The following DNAH6 variants were observed in gnomAD, a reference collection of about 807,000 sequenced individuals.
DNAH6 encodes axonemal beta dynein heavy chain 6.
A neutral mutation model predicts 491.4 loss-of-function variants in DNAH6; 340 were observed. The ratio of observed to expected loss-of-function variants is 0.69; its 90% CI spans 0.63 to 0.76. The LOEUF (loss-of-function observed/expected upper bound fraction) is 0.76. Among genes scored for constraint, DNAH6 ranks in the 30% least tolerant of loss-of-function variants. The pLI is 0.00. For missense variants in DNAH6, 4,443 were observed against 4,972.2 expected, an observed-to-expected ratio of 0.89 and a Z score of 3.20; for synonymous variants, 1,603 against 1,686.1, an observed-to-expected ratio of 0.95 and a Z score of 1.21.
intron 45 of DNAH6, among the ~76,000 whole-genome samples, chr2:84,692,318 G>A (rs1210685856): frequency 1.3e-5 from 2 of 152,196 alleles, no homozygotes; most frequent in Non-Finnish European, 1.5e-5. Context: ...ATGAGTTACA[G>A]TGACCATGTG....
chr2:84,511,850 T>C (rs1675344462), upstream of DNAH6, among the ~76,000 whole-genome samples: 2 of 152,258 alleles, frequency 1.3e-5, no homozygotes, highest in African/African-American at 4.8e-5. Context: ...GAAATACTTT[T>C]ACATTCCTGT....
chr2:84,813,229 A>G, intron 74 of DNAH6, 99 bp downstream of exon 74: 1 of 860,034 alleles, frequency 1.2e-6, no homozygotes, highest in Non-Finnish European at 1.9e-6. Flanking sequence ...CTAATGCTCT[A>G]GCAATGAGGC....
chr2:84,677,443 G>T (rs1693352118), intron 41 of DNAH6, among the ~76,000 whole-genome samples: 1 of 152,154 alleles, frequency 6.6e-6, no homozygotes, highest in East Asian at 1.9e-4. Flanking sequence ...GTTCTTGGCA[G>T]ATCTCATCAC....
At chr2:84,722,377 A>G (rs1169847743) in intron 59 of DNAH6, among the ~76,000 whole-genome samples, 1 of 152,138 alleles carries the variant, frequency 6.6e-6, no homozygotes, top group African/African-American at 2.4e-5. Flanking sequence ...TGCTGCTTCT[A>G]TGTTTTCAAA....
intron 2 of DNAH6, among the ~76,000 whole-genome samples, chr2:84,523,071 A>G (rs1307118293): frequency 1.3e-5 from 2 of 152,014 alleles, no homozygotes; most frequent in Non-Finnish European, 2.9e-5. Flanking sequence ...TATCTGGTAG[A>G]ATTTGGCTGT....
At chr2:84,462,460 T>C in the DNAH6 span, among the ~76,000 whole-genome samples, 1 of 152,246 alleles carries the variant, frequency 6.6e-6, no homozygotes, top group African/African-American at 2.4e-5. Flanking sequence ...CATCCAGACT[T>C]CCTGAGTCAC....
At chr2:84,696,530 A>T (rs1695405698) in intron 46 of DNAH6, among the ~76,000 whole-genome samples, 1 of 152,024 alleles carries the variant, frequency 6.6e-6, no homozygotes, top group Non-Finnish European at 1.5e-5. Context: ...GAGGGAACAA[A>T]TGTCACAAGA....
chr2:84,669,551 G>A, intron 38 of DNAH6, 41 bp downstream of exon 38: 1 of 1,490,814 alleles, frequency 6.7e-7, no homozygotes, highest in South Asian at 1.2e-5. Context: ...CTCCAAATGT[G>A]AGGGCATGAT....
intron 18 of DNAH6, among the ~76,000 whole-genome samples, chr2:84,596,035 T>C (rs547385547): frequency 1.4e-4 from 22 of 152,082 alleles, no homozygotes; most frequent in Non-Finnish European, 3.1e-4. Context: ...GTAAGGGAAA[T>C]AGTGCAGGAA....
chr2:84,642,018 T>C lies in DNAH6; in HGVS notation c.5042T>C (p.Leu1681Ser), dbSNP rs1308892794. 1.9e-6 allele frequency: 3 copies of C among 1,551,048 alleles called. No individual in the cohort carries two copies. The highest frequency in any genetic ancestry group is 1.4e-5 in the African/African-American group (1 of 73,142). ...ATAAGAGCTTTACAAGACTCCAATT[T>C]GCCAAAATTTCTAACAGATGATGCT... ...VLIRALQDSN[L>S]PKFLTDDALL... is the part of the protein sequence containing the mutation. Residue 1681 changes from leucine to serine, a missense_variant, in exon 33 of 77, where the codon TTG becomes TCG. Physicochemically the swap from Leu to Ser is moderately radical, Grantham distance 145 (BLOSUM62 -2). This residue lies in a region of DNAH6 where 2,977 missense variants were observed against 3,296.6 expected (regional missense o/e 0.90). Coordinates refer to ENST00000389394, the MANE Select transcript of DNAH6 (RefSeq NM_001370.2).
the DNAH6 span, among the ~76,000 whole-genome samples, chr2:84,496,851 T>G: frequency 6.6e-6 from 1 of 152,254 alleles, no homozygotes; most frequent in Admixed American, 6.5e-5. Flanking sequence ...TTGTTCCCCT[T>G]GCCAGTTAAT....
intron 21 of DNAH6, among the ~76,000 whole-genome samples, chr2:84,610,878 G>T (rs1188676009): frequency 6.6e-6 from 1 of 152,174 alleles, no homozygotes; most frequent in East Asian, 1.9e-4. Context: ...CAAGGGGGAC[G>T]TTTTCATACA....
At chr2:84,808,264 A>T (rs921772765) in intron 71 of DNAH6, 151 bp from the exon 72 acceptor site, 2 of 873,216 alleles carry the variant, frequency 2.3e-6, no homozygotes, top group African/African-American at 3.4e-5. Context: ...ATTCTAAATT[A>T]TAGAAACATC....
chr2:84,475,491 T>C, the DNAH6 span, among the ~76,000 whole-genome samples: 1 of 152,230 alleles, frequency 6.6e-6, no homozygotes, highest in East Asian at 1.9e-4. Flanking sequence ...CCTTTTTATT[T>C]CCTTTTCTAC....
chr2:84,653,170 C>A, intron 33 of DNAH6, 149 bp from the exon 34 acceptor site: 1 of 694,702 alleles, frequency 1.4e-6, no homozygotes, highest in South Asian at 2.2e-5. Context: ...GATTCTGGTA[C>A]AGCACATAGG....
intron 10 of DNAH6, among the ~76,000 whole-genome samples, 183 bp from the exon 11 acceptor site, chr2:84,557,552 A>C (rs1407723610): frequency 6.7e-6 from 1 of 150,138 alleles, no homozygotes; most frequent in Non-Finnish European, 1.5e-5. Flanking sequence ...CGGGAGGCTG[A>C]GGCAGGAGAA....
At chr2:84,621,060 A>G (rs1687348401) in intron 24 of DNAH6, 131 bp from the exon 25 acceptor site, 3 of 870,768 alleles carry the variant, frequency 3.4e-6, no homozygotes, top group South Asian at 3.5e-5. Context: ...TGGAATGTCA[A>G]TAGAAGTTTC....
intron 48 of DNAH6, among the ~76,000 whole-genome samples, chr2:84,700,208 G>A (rs1017780018): frequency 2.0e-5 from 3 of 152,184 alleles, no homozygotes; most frequent in Non-Finnish European, 2.9e-5. Flanking sequence ...GCAGCATACC[G>A]AGTTAAGCGC....
chr2:84,545,940 C>A (rs1399189873), intron 5 of DNAH6, among the ~76,000 whole-genome samples: 3 of 152,144 alleles, frequency 2.0e-5, no homozygotes, highest in Non-Finnish European at 1.5e-5. Context: ...ACAATTCACA[C>A]ATCTGAAGTA....
Sources: gnomAD v4.1 joint callset for allele counts (sites outside exome capture counted in the v4.1 genomes callset) on GRCh38, gnomAD v4.1.1 for gene constraint, gnomAD v4.1.1 regional missense constraint, MANE v1.5 for transcripts, NCBI Gene and HGNC (gene_info 2026-07-23, HGNC 2026-07-21) for gene names.